Variants in FMNL3 observed in about 807,000 individuals in gnomAD.
The protein encoded by FMNL3 is formin like 3.
FMNL3 carries 57 observed loss-of-function variants against 119.6 expected under a neutral mutation model. The observed-to-expected ratio is 0.48, with a 90% CI of 0.39 to 0.59. The LOEUF is 0.59. Among genes scored for constraint, FMNL3 ranks in the 20% least tolerant of loss-of-function variants. FMNL3 has a pLI of 0.00. For synonymous variants in FMNL3, 491 were observed against 507.3 expected (o/e 0.97, Z 0.43); for missense variants, 1,053 against 1,323.5 (o/e 0.80, Z 3.17).
At position 49,669,816 on chromosome 12, in the gene FMNL3, A is replaced by G. The variant is rs557651172; in HGVS notation, c.127-1262T>C. 2.7e-5 allele frequency among the ~76,000 whole-genome samples: 4 copies of G among 149,582 alleles called. No homozygotes were observed. The South Asian group carries it at 6.5e-4, about 24-fold the overall frequency. On this transcript the variant is annotated intron_variant, in intron 1 of 25. Transcript: ENST00000335154. Reference sequence around the variant, plus strand: ...CACTGCACTCCAGCCTGGGCAACAGAGAAAGATTCTATCTCAACAAAACAA... The same window carrying G: ...CACTGCACTCCAGCCTGGGCAACAGGGAAAGATTCTATCTCAACAAAACAA...
intron 1 of FMNL3, among the ~76,000 whole-genome samples, chr12:49,705,987 G>A (rs1945038179): frequency 1.4e-5 from 2 of 147,614 alleles, no homozygotes; most frequent in Admixed American, 6.6e-5. Flanking sequence ...CTGATGGGCA[G>A]AGGCAAAGGC....
At chr12:49,650,559 G>C in intron 17 of FMNL3, 117 bp downstream of exon 17, 1 of 1,153,564 alleles carries the variant, frequency 8.7e-7, no homozygotes, top group East Asian at 2.5e-5. Context: ...TGGATGACTA[G>C]GGGGATGTGA....
At position 49,640,821 on chromosome 12, in the gene FMNL3, G is replaced by A. The variant is rs543549136; in HGVS notation, c.*4994C>T. 1 of 152,334 alleles carries A rather than the reference G, an allele frequency of 6.6e-6. No homozygotes were observed. Among genetic ancestry groups the A allele is most frequent in the South Asian group, 2.1e-4 (1 of 4,832 alleles). The allele number at this position is 152,334 out of a possible 1,614,324, so 9.4% of individuals were successfully genotyped here. Reference sequence around the variant, plus strand: ...GAGGTAGTTAGCTTGATGAAGGGGAGAGCATGGTGGAAAGGATGTTCCAGG... The same window carrying A: ...GAGGTAGTTAGCTTGATGAAGGGGAAAGCATGGTGGAAAGGATGTTCCAGG... On this transcript the variant is annotated 3_prime_UTR_variant, in exon 26 of 26. Coordinates refer to ENST00000335154, the MANE Select transcript of FMNL3 (RefSeq NM_175736.5).
At chr12:49,664,109 G>A (rs1007859618) in intron 4 of FMNL3, among the ~76,000 whole-genome samples, 9 of 152,338 alleles carry the variant, frequency 5.9e-5, no homozygotes, top group South Asian at 2.1e-4. Context: ...TTAGCTGGGC[G>A]TGGTGGTACA....
chr12:49,661,937 C>T, intron 5 of FMNL3, 29 bp downstream of exon 5: 1 of 1,607,648 alleles, frequency 6.2e-7, no homozygotes, highest in East Asian at 2.2e-5. Flanking sequence ...CCAACTGGTC[C>T]CCAACTTCAG....
At position 49,638,067 on chromosome 12, in the gene FMNL3, G is replaced by A; in HGVS notation, c.*7748C>T. On this transcript the variant is annotated 3_prime_UTR_variant, in exon 26 of 26. Transcript: ENST00000335154. The stretch of plus-strand genomic sequence containing the variant: ...ATACAAAGGGGCAAGTGTTATTACA[G>A]AGACAGGAATCTGAAGAACTAACAT... 4.1e-6 allele frequency: 2 copies of A among 490,490 alleles called. No individual in the cohort carries two copies. Among genetic ancestry groups the A allele is most frequent in the Non-Finnish European group, 7.3e-6 (2 of 275,094 alleles). The allele number at this position is 490,490 out of a possible 1,614,324, so 30.4% of individuals were successfully genotyped here.
At chr12:49,648,064 GCTCT>G in intron 22 of FMNL3, 125 bp downstream of exon 22, 1 of 1,205,462 alleles carries the variant, frequency 8.3e-7, no homozygotes, top group Non-Finnish European at 1.1e-6. Flanking sequence ...CTCCCAAAGC[GCTCT>G]CTCTCCCCTA....
At position 49,707,151 on chromosome 12, in the gene FMNL3, G is replaced by A. The variant is rs568697668; in HGVS notation, c.30C>T (p.Val10=). The change falls in exon 1 of 26, where the codon GTC becomes GTT. Residue 10 remains valine, a synonymous_variant. Coordinates refer to ENST00000335154, the MANE Select transcript of FMNL3 (RefSeq NM_175736.5). MGNLESAEG[V]PGEPPSVPLL... is the part of the protein sequence containing the mutation. ...ACGGGACAGAGGGGGGCTCTCCCGG[G>A]ACCCCCTCGGCGCTCTCCAGGTTGC... The A allele has an allele frequency of 3.1e-6, 5 of 1,590,608 alleles. No homozygotes were observed. In the East Asian group the frequency reaches 9.3e-5, roughly 30 times the overall value.
At position 49,707,169 on chromosome 12, in the gene FMNL3, C is replaced by G; in HGVS notation, c.12G>C (p.Leu4=). 6.4e-7 allele frequency: 1 copy of G among 1,564,826 alleles called. No homozygotes were observed. Among genetic ancestry groups the G allele is most frequent in the Non-Finnish European group, 8.6e-7 (1 of 1,159,348 alleles). ...CTCCCGGGACCCCCTCGGCGCTCTC[C>G]AGGTTGCCCATCGCGGCGGGGCCCC... is the stretch of plus-strand genomic sequence containing the variant. The part of the protein sequence containing the change: MGN[L]ESAEGVPGEP... The change falls in exon 1 of 26, where the codon CTG becomes CTC. Residue 4 remains leucine (L), a synonymous_variant. Transcript: ENST00000335154.
At chr12:49,656,323 A>T in intron 9 of FMNL3, 81 bp downstream of exon 9, 1 of 1,077,544 alleles carries the variant, frequency 9.3e-7, no homozygotes, top group Middle Eastern at 3.0e-4. Context: ...TGCAGATCAC[A>T]GGAAATGGTG....
Position 49,654,038 on chromosome 12 carries a change from G to A in FMNL3, c.1071+154C>T, listed in dbSNP as rs1943491596. 3.3e-5 allele frequency among the ~76,000 whole-genome samples: 5 copies of A among 152,200 alleles called. No individual in the cohort carries two copies. In the South Asian group the frequency reaches 1.0e-3, roughly 31 times the overall value. On this transcript the variant is annotated intron_variant, in intron 11 of 25. Transcript: ENST00000335154. ...GCCCCCATGGAGCTGCCTGACTGGG[G>A]AGTTAGCTGCAGAGGTCCTGAGTCC... is the stretch of plus-strand genomic sequence containing the variant.
At position 49,652,074 on chromosome 12, in the gene FMNL3, T is replaced by A. The variant is rs754305606; in HGVS notation, c.1462A>T (p.Arg488Ter). Reference protein sequence around the residue: ...LESVDSEALARVGPAELSEGM... With the variant: ...LESVDSEALA ...TCACTCAGCTCTGCAGGGCCTACTC[T>A]GGCCAGGGCCTCACTGTCCACAGAC... The change falls in exon 14 of 26, where the codon AGA (arginine) becomes TGA (stop). Residue 488 changes from arginine (R) to a stop codon, truncating the protein, a stop_gained. Transcript: ENST00000335154. LOFTEE classifies it high-confidence loss of function. The A allele has an allele frequency of 6.2e-7, 1 of 1,612,670 alleles. No homozygotes were observed. The highest frequency in any genetic ancestry group is 1.1e-5 in the South Asian group (1 of 90,644).
Position 49,647,520 on chromosome 12 carries a change from G to A in FMNL3, c.2779-152C>T. 1.0e-6 allele frequency: 1 copy of A among 991,258 alleles called. No homozygotes were observed. Among genetic ancestry groups the A allele is most frequent in the Non-Finnish European group, 1.5e-6 (1 of 653,228 alleles). The allele number at this position is 991,258 out of a possible 1,614,324, so 61.4% of individuals were successfully genotyped here. ...GCACTTCCTGCCCCAAACAATGACA[G>A]GAAGGTCCTGGGCCCCACCCTGCCC... On this transcript the variant is annotated intron_variant, in intron 23 of 25. Coordinates refer to ENST00000335154, the MANE Select transcript of FMNL3 (RefSeq NM_175736.5). The surrounding 1 kb of genome is among the most constrained non-coding windows in gnomAD (Gnocchi z 4.9).
At chr12:49,706,977 G>A (rs1945066114) in intron 1 of FMNL3, 78 bp downstream of exon 1, 8 of 1,480,360 alleles carry the variant, frequency 5.4e-6, no homozygotes, top group East Asian at 5.3e-5. Context: ...CGGGACGGGG[G>A]CCCAGCACAA....
intron 25 of FMNL3, 86 bp downstream of exon 25, chr12:49,646,800 G>C: frequency 6.2e-7 from 1 of 1,605,568 alleles, no homozygotes; most frequent in South Asian, 1.1e-5. Flanking sequence ...ATGGGGGGTG[G>C]GGTGGGAGGA....
chr12:49,642,506 C>T lies in FMNL3; in HGVS notation c.*3309G>A. The T allele has an allele frequency of 1.9e-6, 3 of 1,583,318 alleles. No individual in the cohort carries two copies. Among genetic ancestry groups the T allele is most frequent in the Non-Finnish European group, 2.6e-6 (3 of 1,153,450 alleles). ...CCTTCCTTTCTCTGCCCCAGCCCTG[C>T]CCTGTGCTCATGGCGGTGTCCAGGC... On this transcript the variant is annotated 3_prime_UTR_variant, in exon 26 of 26. Coordinates refer to ENST00000335154, the MANE Select transcript of FMNL3 (RefSeq NM_175736.5). This position sits in a 1 kb window ranked among gnomAD's most constrained non-coding sequence, Gnocchi z 5.8.
chr12:49,707,296 C>CGACGG lies in FMNL3; in HGVS notation c.-117_-116insCCGTC. 3 of 1,050,068 alleles carry CGACGG rather than the reference C, an allele frequency of 2.9e-6. No homozygotes were observed. The highest frequency in any genetic ancestry group is 3.8e-6 in the Non-Finnish European group (3 of 784,436). 65.0% of individuals were successfully genotyped at this position (1,050,068 alleles called of 1,614,324 possible). A position where few individuals can be genotyped will look rare whatever the true frequency, so the allele number is the denominator to read the frequency against. On this transcript the variant is annotated 5_prime_UTR_variant, in exon 1 of 26. Transcript: ENST00000335154. ...GCCGGCTCCCCGAGTCCCGACTCCT[C>CGACGG]GGCCCCGTCGAGGGCGCCGGGGGTT...
chr12:49,657,343 C>A (rs1157520386), intron 6 of FMNL3, among the ~76,000 whole-genome samples, 153 bp from the exon 7 acceptor site: 1 of 152,150 alleles, frequency 6.6e-6, no homozygotes, highest in African/African-American at 2.4e-5. Flanking sequence ...GGACAGGGTG[C>A]AGGAGGCAGG....
chr12:49,676,907 A>C (rs1565886443), intron 1 of FMNL3, among the ~76,000 whole-genome samples: 1 of 152,184 alleles, frequency 6.6e-6, no homozygotes, highest in Non-Finnish European at 1.5e-5. Flanking sequence ...CTCTTTAACC[A>C]GACTCATCTT....
Sources: allele counts gnomAD v4.1 joint callset (sites outside exome capture counted in the v4.1 genomes callset), GRCh38; gene constraint gnomAD v4.1.1; non-coding constraint Gnocchi (gnomAD v3.1); transcripts MANE v1.5; gene names NCBI Gene and HGNC (gene_info 2026-07-23, HGNC 2026-07-21).